Variants in NELL2 observed in about 807,000 individuals in gnomAD.
NELL2 encodes the protein protein kinase C-binding protein NELL2.
A neutral mutation model predicts 109.6 loss-of-function variants in NELL2; 41 were observed. That is an observed-to-expected ratio of 0.37 (90% CI 0.29 to 0.49). The LOEUF (loss-of-function observed/expected upper bound fraction) is 0.49. Ranked by LOEUF, NELL2 falls within the 20% of genes least tolerant of loss-of-function variation. The pLI is 0.98. For synonymous variants in NELL2, 355 were observed against 344.7 expected (o/e 1.03, Z -0.33); for missense variants, 900 against 1,008.3 (o/e 0.89, Z 1.45).
chr12:44,619,633 C>T (rs11182567), intron 13 of NELL2, among the ~76,000 whole-genome samples: 1 of 151,242 alleles, frequency 6.6e-6, no homozygotes, highest in Admixed American at 6.6e-5. Context: ...GAGAAGGCGG[C>T]GGAAGAGGAG....
chr12:44,764,620 C>T (rs1941254963), intron 9 of NELL2, among the ~76,000 whole-genome samples: 2 of 152,192 alleles, frequency 1.3e-5, no homozygotes, highest in South Asian at 4.1e-4. Flanking sequence ...TCATATGAGA[C>T]AATGTATAAG....
chr12:44,776,922 C>T (rs927474466), intron 7 of NELL2, 120 bp downstream of exon 7: 3 of 791,826 alleles, frequency 3.8e-6, no homozygotes, highest in African/African-American at 3.5e-5. Flanking sequence ...TAGATTCAGT[C>T]CTAGCAAACA....
intron 15 of NELL2, among the ~76,000 whole-genome samples, chr12:44,574,522 T>C (rs1943996434): frequency 6.6e-6 from 1 of 152,126 alleles, no homozygotes. Flanking sequence ...AAAGGAATGT[T>C]TAAAAATAAT....
chr12:44,918,517 A>ATGTGTGTGTGTGTG (rs10589306), upstream of NELL2, among the ~76,000 whole-genome samples: 1 of 123,882 alleles, frequency 8.1e-6, no homozygotes, highest in African/African-American at 3.3e-5. Flanking sequence ...GCATGCATGT[A>ATGTGTGTGTGTGTG]TGTGTGTGTG....
rs558127250 is a variant in NELL2 at position 44,612,758 on chromosome 12, A to G, written c.1445-1788T>C. ...AGTTAATCTATAAATCTCTATATGG[A>G]CAGCCGTAGGCCCTTAAAACAGAGC... is the stretch of plus-strand genomic sequence containing the variant. On this transcript the variant is annotated intron_variant, in intron 13 of 19. Coordinates refer to ENST00000429094, the MANE Select transcript of NELL2 (RefSeq NM_001145108.2). 3.9e-5 allele frequency among the ~76,000 whole-genome samples: 6 copies of G among 152,118 alleles called. No homozygotes were observed. The South Asian group carries it at 1.0e-3, about 26-fold the overall frequency.
At chr12:44,560,228 A>C (rs1413908219) in intron 15 of NELL2, among the ~76,000 whole-genome samples, 1 of 152,248 alleles carries the variant, frequency 6.6e-6, no homozygotes, top group African/African-American at 2.4e-5. Context: ...GAAAGCAGTA[A>C]AGATCTAAAA....
chr12:44,655,395 C>T (rs1330572131), intron 13 of NELL2, among the ~76,000 whole-genome samples: 1 of 152,226 alleles, frequency 6.6e-6, no homozygotes, highest in Non-Finnish European at 1.5e-5. Context: ...GCTTCCCCCA[C>T]TCACTGACAG....
At chr12:44,509,944 A>G (rs1414070958) in intron 19 of NELL2, among the ~76,000 whole-genome samples, 2 of 152,096 alleles carry the variant, frequency 1.3e-5, no homozygotes, top group Non-Finnish European at 2.9e-5. Context: ...AAGAAACTGA[A>G]AAAAAGCTTT....
In NELL2 at chr12:44,711,351, A is replaced by C. The variant is rs1414156273; in HGVS notation, c.1130T>G (p.Leu377Trp). The C allele has an allele frequency of 3.7e-6, 6 of 1,612,576 alleles. No homozygotes were observed. The highest frequency in any genetic ancestry group is 5.1e-6 in the Non-Finnish European group (6 of 1,178,970). ...KLVESSGCPALDCPESHQITL... is the reference protein window; with the variant it reads ...KLVESSGCPAWDCPESHQITL... Reference sequence around the variant, plus strand: ...TATCTGATGAGACTCTGGACAATCCAAAGCTGGACAGCCTGAACTCTCAAC... The same window carrying C: ...TATCTGATGAGACTCTGGACAATCCCAAGCTGGACAGCCTGAACTCTCAAC... Residue 377 changes from leucine (L) to tryptophan (W), a missense_variant, in exon 11 of 20, where the codon TTG becomes TGG. Physicochemically the swap from Leu to Trp is moderately conservative, Grantham distance 61. Coordinates refer to ENST00000429094, the MANE Select transcript of NELL2 (RefSeq NM_001145108.2).
intron 2 of NELL2, among the ~76,000 whole-genome samples, chr12:44,871,713 C>A (rs1031572353): frequency 3.3e-5 from 5 of 152,190 alleles, no homozygotes; most frequent in Admixed American, 6.5e-5. Context: ...TACTAAAGTC[C>A]ATGGTCTATT....
chr12:44,680,467 T>C (rs183835346), intron 12 of NELL2, among the ~76,000 whole-genome samples: 1 of 152,178 alleles, frequency 6.6e-6, no homozygotes, highest in Non-Finnish European at 1.5e-5. Context: ...AAAAATTACT[T>C]GGAGGAAATT....
intron 9 of NELL2, among the ~76,000 whole-genome samples, chr12:44,736,864 T>A (rs1000850786): frequency 5.9e-5 from 9 of 152,046 alleles, no homozygotes; most frequent in African/African-American, 1.4e-4. Flanking sequence ...TTCAAACCTA[T>A]ATATGCAAGC....
chr12:44,784,307 T>C (rs1056097798), intron 3 of NELL2, among the ~76,000 whole-genome samples: 1 of 150,816 alleles, frequency 6.6e-6, no homozygotes. Flanking sequence ...AAAGCTCTGG[T>C]CAGTGCAATA....
intron 16 of NELL2, among the ~76,000 whole-genome samples, chr12:44,526,833 T>C (rs1326473020): frequency 6.6e-6 from 1 of 152,206 alleles, no homozygotes; most frequent in African/African-American, 2.4e-5. Context: ...GGCTGTTCAG[T>C]AAGTAGTTGG....
chr12:44,667,058 C>T (rs547692395), intron 12 of NELL2, among the ~76,000 whole-genome samples: 50 of 152,308 alleles, frequency 3.3e-4, no homozygotes, highest in African/African-American at 1.1e-3. Context: ...ATACTCCCAA[C>T]GCAGTGCTAC....
chr12:44,888,077 C>T (rs1041686400), intron 1 of NELL2, among the ~76,000 whole-genome samples: 2 of 152,042 alleles, frequency 1.3e-5, no homozygotes, highest in East Asian at 1.9e-4. Context: ...TTTCCCAGAA[C>T]CACTCATTGA....
intron 15 of NELL2, among the ~76,000 whole-genome samples, chr12:44,563,097 A>ATAG (rs1943529009): frequency 6.6e-6 from 1 of 151,952 alleles, no homozygotes; most frequent in Non-Finnish European, 1.5e-5. Context: ...GTTCTCACTC[A>ATAG]GTGGGAGTTG....
At chr12:44,904,796 T>TATATG (rs1945701776) in intron 1 of NELL2, among the ~76,000 whole-genome samples, 1 of 152,072 alleles carries the variant, frequency 6.6e-6, no homozygotes, top group East Asian at 1.9e-4. Context: ...GTAAATATAA[T>TATATG]CAAATTAATT....
chr12:44,867,034 G>A (rs1945020535), intron 2 of NELL2, among the ~76,000 whole-genome samples: 1 of 152,100 alleles, frequency 6.6e-6, no homozygotes, highest in African/African-American at 2.4e-5. Flanking sequence ...TCCAAGGCCT[G>A]ATGGCTTCAC....
Sources: allele counts gnomAD v4.1 joint callset (sites outside exome capture counted in the v4.1 genomes callset), GRCh38; gene constraint gnomAD v4.1.1; transcripts MANE v1.5; gene names NCBI Gene and HGNC (gene_info 2026-07-23, HGNC 2026-07-21).